Variants in DELE1 observed in about 807,000 individuals in gnomAD.
DELE1 encodes the protein death ligand signal enhancer.
A neutral mutation model predicts 59.3 loss-of-function variants in DELE1; 54 were observed. The ratio of observed to expected loss-of-function variants is 0.91; its 90% CI spans 0.73 to 1.14. The LOEUF is 1.14. DELE1 is among the 50% of genes most tolerant of loss of function. The probability of loss-of-function intolerance (pLI) is 0.00; values close to 1 mark genes in which losing one functional copy is unlikely to be tolerated. For synonymous variants in DELE1, 264 were observed against 259.1 expected, an observed-to-expected ratio of 1.02 and a Z score of -0.18; for missense variants, 636 against 643.9, an observed-to-expected ratio of 0.99 and a Z score of 0.13.
At chr5:141,926,873 G>A (rs1359055853) in intron 3 of DELE1, among the ~76,000 whole-genome samples, 1 of 152,230 alleles carries the variant, frequency 6.6e-6, no homozygotes, top group East Asian at 1.9e-4. Flanking sequence ...CCTGTGCTCT[G>A]TCACTACTGC....
At position 141,940,962 on chromosome 5, in the gene DELE1, G is replaced by T. The variant is rs1162857600; in HGVS notation, c.*2203G>T. The T allele has an allele frequency of 1.0e-6, 1 of 974,296 alleles. No homozygotes were observed. The highest frequency in any genetic ancestry group is 1.2e-6 in the Non-Finnish European group (1 of 819,820). 60.4% of individuals were successfully genotyped at this position (974,296 alleles called of 1,614,324 possible). On this transcript the variant is annotated 3_prime_UTR_variant, in exon 12 of 12. Coordinates refer to ENST00000432126, the MANE Select transcript of DELE1 (RefSeq NM_014773.5). ...ATTCACAATACACATCAGCATATTT[G>T]AGGTTCCAAGAAGTCCTCCAGTAAA...
intron 1 of DELE1, 48 bp downstream of exon 1, chr5:141,924,020 A>G (rs769100408): frequency 1.3e-6 from 2 of 1,593,260 alleles, no homozygotes; most frequent in South Asian, 2.3e-5. Flanking sequence ...GCAAAGACCG[A>G]ACTGGAGTGG....
At chr5:141,937,832 G>GT (rs1430818513) in intron 11 of DELE1, among the ~76,000 whole-genome samples, 81 of 138,272 alleles carry the variant, frequency 5.9e-4, no homozygotes, top group South Asian at 1.0e-3. Context: ...AGTTTTTTTT[G>GT]TTTTTTTTTG....
intron 7 of DELE1, among the ~76,000 whole-genome samples, chr5:141,932,278 G>A (rs1204375145): frequency 6.6e-6 from 1 of 152,086 alleles, no homozygotes; most frequent in Non-Finnish European, 1.5e-5. Flanking sequence ...CTTTTTGTTT[G>A]GGCAATGAAA....
In DELE1 at chr5:141,939,735, C is replaced by T; in HGVS notation, c.*976C>T. On this transcript the variant is annotated 3_prime_UTR_variant, in exon 12 of 12. Coordinates refer to ENST00000432126, the MANE Select transcript of DELE1 (RefSeq NM_014773.5). ...AGGTCTGGCTCTGCCACTTGCCTGG[C>T]CATGTCACCTTGAAGCTGTGACCTG... 2 of 973,450 alleles carry T rather than the reference C, an allele frequency of 2.1e-6. No individual in the cohort carries two copies. Among genetic ancestry groups the T allele is most frequent in the Non-Finnish European group, 2.4e-6 (2 of 818,762 alleles). 60.3% of individuals were successfully genotyped at this position (973,450 alleles called of 1,614,324 possible). A position where few individuals can be genotyped will look rare whatever the true frequency, so the allele number is the denominator to read the frequency against.
chr5:141,938,627 C>T lies in DELE1; in HGVS notation c.1416C>T (p.Ala472=). The part of the protein sequence containing the change: ...LLAGTSRLPH[A]SSTGNLGLLC... ...CAGGAACCTCACGCCTACCACATGC[C>T]TCGAGCACAGGCAACCTTGGCCTCC... The change falls in exon 12 of 12, where the codon GCC becomes GCT. Residue 472 remains alanine (A), a synonymous_variant. Coordinates refer to ENST00000432126, the MANE Select transcript of DELE1 (RefSeq NM_014773.5). 6.2e-7 allele frequency: 1 copy of T among 1,614,152 alleles called. No individual in the cohort carries two copies. The highest frequency in any genetic ancestry group is 8.5e-7 in the Non-Finnish European group (1 of 1,180,032).
intron 4 of DELE1, 51 bp downstream of exon 4, chr5:141,928,349 G>A (rs773402752): frequency 1.9e-6 from 3 of 1,579,874 alleles, no homozygotes; most frequent in South Asian, 2.3e-5. Flanking sequence ...GTTTCTCTGG[G>A]CCAGGAAGCG....
intron 3 of DELE1, among the ~76,000 whole-genome samples, chr5:141,927,513 A>C (rs1751518501): frequency 6.6e-6 from 1 of 152,228 alleles, no homozygotes; most frequent in African/African-American, 2.4e-5. Context: ...CTTCTTAAGC[A>C]TAACATAAGG....
At chr5:141,925,178 C>T (rs1189424282) in intron 2 of DELE1, among the ~76,000 whole-genome samples, 1 of 152,114 alleles carries the variant, frequency 6.6e-6, no homozygotes, top group Non-Finnish European at 1.5e-5. Context: ...ATCTGCCCGC[C>T]TCAGCCTCCC....
Position 141,939,223 on chromosome 5 carries a change from G to A in DELE1, c.*464G>A. 1 of 609,978 alleles carries A rather than the reference G, an allele frequency of 1.6e-6. No homozygotes were observed. Among genetic ancestry groups the A allele is most frequent in the Non-Finnish European group, 2.1e-6 (1 of 487,524 alleles). The allele number at this position is 609,978 out of a possible 1,614,324, so 37.8% of individuals were successfully genotyped here. ...TTTTCTATTTAGTTATATATTTAAT[G>A]TATAATATAAAAATATGATTAGCAT... On this transcript the variant is annotated 3_prime_UTR_variant, in exon 12 of 12. Transcript: ENST00000432126.
intron 10 of DELE1, among the ~76,000 whole-genome samples, chr5:141,935,619 G>A (rs1412516907): frequency 1.3e-5 from 2 of 152,168 alleles, no homozygotes; most frequent in Non-Finnish European, 2.9e-5. Context: ...GCTGTCAAAA[G>A]GGGACCAATG....
chr5:141,936,870 G>A (rs541455146), intron 10 of DELE1: 20 of 985,356 alleles, frequency 2.0e-5, no homozygotes, highest in Admixed American at 6.1e-5. Flanking sequence ...ATAGGAGCCC[G>A]ACTCCCAGGT....
rs867863221 is a variant in DELE1, at chr5:141,924,631, A to C, written c.82A>C (p.Thr28Pro). 10 of 1,614,056 alleles carry C rather than the reference A, an allele frequency of 6.2e-6. No homozygotes were observed. Among genetic ancestry groups the C allele is most frequent in the Non-Finnish European group, 8.5e-6 (10 of 1,180,022 alleles). The change falls in exon 2 of 12, where the codon ACC (threonine) becomes CCC (proline). Residue 28 changes from threonine to proline, a missense_variant. Coordinates refer to ENST00000432126, the MANE Select transcript of DELE1 (RefSeq NM_014773.5). The stretch of plus-strand genomic sequence containing the variant: ...CCTCTGGAGGGTGACTCCTAAGTCC[A>C]CCAGCCCAGATGGGCCTCAGACTAC... ...PSLWRVTPKS[T>P]SPDGPQTTSS...
Position 141,928,385 on chromosome 5 carries a change from G to C in DELE1, c.412+87G>C, listed in dbSNP as rs1394818406. ...TCTCTGGACACACCTCAGGAAAAGA[G>C]CCATCAGCAGCTCCTTGCCTTTCCT... On this transcript the variant is annotated intron_variant, in intron 4 of 11. Transcript: ENST00000432126. 5 of 1,422,012 alleles carry C rather than the reference G, an allele frequency of 3.5e-6. No homozygotes were observed. In the East Asian group the frequency reaches 1.2e-4, roughly 33 times the overall value. The allele number at this position is 1,422,012 out of a possible 1,614,324, so 88.1% of individuals were successfully genotyped here.
chr5:141,937,262 T>C lies in DELE1; in HGVS notation c.1214T>C (p.Leu405Pro), dbSNP rs1275834986. ...YEKGLGVQRN[L>P]GEALRCYQQS... ...AAAGGCCTTGGTGTGCAGAGGAATCTGGGAGAGGCCTTGAGATGTTACCAG... is the reference window on the plus strand; with the variant it reads ...AAAGGCCTTGGTGTGCAGAGGAATCCGGGAGAGGCCTTGAGATGTTACCAG... Residue 405 changes from leucine (L) to proline (P), a missense_variant, in exon 11 of 12, where the codon CTG (leucine) becomes CCG (proline). Leu to Pro is a moderately conservative substitution (Grantham distance 98). Coordinates refer to ENST00000432126, the MANE Select transcript of DELE1 (RefSeq NM_014773.5). 2 of 1,614,094 alleles carry C rather than the reference T, an allele frequency of 1.2e-6. No homozygotes were observed. The highest frequency in any genetic ancestry group is 1.7e-6 in the Non-Finnish European group (2 of 1,180,036).
In DELE1 at chr5:141,930,029, C is replaced by G. The variant is rs369567807; in HGVS notation, c.612C>G (p.Ile204Met). Reference protein sequence around the residue: ...DFGFLHASSSIESEAKPAQPQ... With the variant: ...DFGFLHASSSMESEAKPAQPQ... ...GCTTCCTGCATGCCAGTAGTAGCAT[C>G]GAGTCCGAGGCAAAACCAGCCCAGC... Residue 204 changes from isoleucine to methionine, a missense_variant, in exon 6 of 12, where the codon ATC (isoleucine) becomes ATG (methionine). Transcript: ENST00000432126. The G allele has an allele frequency of 1.2e-6, 2 of 1,614,062 alleles. No individual in the cohort carries two copies. Among genetic ancestry groups the G allele is most frequent in the East Asian group, 2.2e-5 (1 of 44,894 alleles).
chr5:141,934,676 G>A, intron 10 of DELE1, 90 bp downstream of exon 10: 1 of 1,252,222 alleles, frequency 8.0e-7, no homozygotes, highest in Non-Finnish European at 1.2e-6. Context: ...CTGTGCTTAG[G>A]AGATTGTTGG....
intron 3 of DELE1, among the ~76,000 whole-genome samples, chr5:141,926,365 T>A (rs1751422254): frequency 6.6e-6 from 1 of 152,180 alleles, no homozygotes; most frequent in African/African-American, 2.4e-5. Context: ...CTGGAGTTCA[T>A]GTTCTACTGC....
At chr5:141,925,583 A>G (rs1298342037) in intron 3 of DELE1, 56 bp downstream of exon 3, 63 of 1,136,434 alleles carry the variant, frequency 5.5e-5, no homozygotes, top group Non-Finnish European at 7.4e-5. Flanking sequence ...ATGATCCTTC[A>G]TGGGTATACA....
Sources: gnomAD v4.1 joint callset for allele counts (sites outside exome capture counted in the v4.1 genomes callset) on GRCh38, gnomAD v4.1.1 for gene constraint, MANE v1.5 for transcripts, NCBI Gene and HGNC (gene_info 2026-07-23, HGNC 2026-07-21) for gene names.